The following KCNN3 variants were observed in gnomAD, a reference collection of about 807,000 sequenced individuals.
KCNN3 encodes the protein small conductance calcium-activated potassium channel protein 3.
KCNN3 carries 16 observed loss-of-function variants against 62.9 expected under a neutral mutation model. That is an observed-to-expected ratio of 0.25 (90% confidence interval 0.17 to 0.39). The LOEUF (loss-of-function observed/expected upper bound fraction) is 0.39, where lower values mean the gene tolerates loss of function less well. Ranked by LOEUF, KCNN3 falls within the 10% of genes least tolerant of loss-of-function variation. The pLI is 1.00. For synonymous variants in KCNN3, 370 were observed against 389.2 expected (o/e 0.95, Z 0.58); for missense variants, 599 against 949.4 (o/e 0.63, Z 4.85).
chr1:154,757,105 A>T (rs1647760245), intron 3 of KCNN3, among the ~76,000 whole-genome samples: 1 of 152,214 alleles, frequency 6.6e-6, no homozygotes. Flanking sequence ...TAAAGGACAG[A>T]CCTGTGTAGG....
chr1:154,790,956 T>C (rs1397090682), intron 2 of KCNN3, among the ~76,000 whole-genome samples: 2 of 152,144 alleles, frequency 1.3e-5, no homozygotes, highest in Non-Finnish European at 2.9e-5. Context: ...AGGCCAAGTG[T>C]GGTGGCTCAC....
intron 1 of KCNN3, among the ~76,000 whole-genome samples, chr1:154,865,447 TCATGTCCCAGG>T (rs1271201465): frequency 6.6e-6 from 1 of 151,998 alleles, no homozygotes; most frequent in East Asian, 1.9e-4. Flanking sequence ...CCGTTTGATC[TCATGTCCCAGG>T]CATAATAATG....
chr1:154,771,161 G>A (rs1007686178), intron 3 of KCNN3, among the ~76,000 whole-genome samples: 12 of 152,134 alleles, frequency 7.9e-5, no homozygotes, highest in Admixed American at 2.6e-4. Flanking sequence ...AAGGCAGCTC[G>A]AGGGTGGTGG....
chr1:154,806,112 G>T (rs900809568), intron 2 of KCNN3, among the ~76,000 whole-genome samples: 6 of 152,196 alleles, frequency 3.9e-5, no homozygotes, highest in African/African-American at 1.4e-4. Context: ...AACAGGAAAT[G>T]GGGCCGTTGT....
chr1:154,734,149 A>G (rs909788992), intron 3 of KCNN3, among the ~76,000 whole-genome samples: 8 of 152,208 alleles, frequency 5.3e-5, no homozygotes, highest in African/African-American at 1.9e-4. Flanking sequence ...GCTTATACAA[A>G]GTGCAGCAAG....
chr1:154,839,054 A>G (rs754109324), intron 1 of KCNN3, among the ~76,000 whole-genome samples: 2 of 152,072 alleles, frequency 1.3e-5, no homozygotes, highest in Non-Finnish European at 2.9e-5. Flanking sequence ...GGGTCACTCC[A>G]TGGGAAAAAC....
At chr1:154,722,800 C>T (rs1400165312) in intron 5 of KCNN3, among the ~76,000 whole-genome samples, 1 of 150,304 alleles carries the variant, frequency 6.7e-6, no homozygotes, top group Admixed American at 6.7e-5. Flanking sequence ...GGTGGGATCT[C>T]GGCTCACTGT....
chr1:154,741,659 C>T (rs1407754822), intron 3 of KCNN3, among the ~76,000 whole-genome samples: 1 of 150,174 alleles, frequency 6.7e-6, no homozygotes, highest in Non-Finnish European at 1.5e-5. Context: ...ATGACTGCCT[C>T]TTCTTCCTTA....
Position 154,698,543 on chromosome 1 carries a change from A to G in KCNN3, c.*9433T>C, listed in dbSNP as rs1240278370. On this transcript the variant is annotated 3_prime_UTR_variant, in exon 8 of 8. Transcript: ENST00000271915. Reference sequence around the variant, plus strand: ...GTGTCCTTGAGCTTTGAGCACAGCAATGGAAACCTGGCGACTCTTCCTGGA... The same window carrying G: ...GTGTCCTTGAGCTTTGAGCACAGCAGTGGAAACCTGGCGACTCTTCCTGGA... The G allele has an allele frequency of 1.3e-5, 2 of 152,268 alleles. No homozygotes were observed. The highest frequency in any genetic ancestry group is 2.9e-5 in the Non-Finnish European group (2 of 68,060). The allele number at this position is 152,268 out of a possible 1,614,324, so 9.4% of individuals were successfully genotyped here.
intron 2 of KCNN3, among the ~76,000 whole-genome samples, chr1:154,781,983 G>C (rs780346586): frequency 1.4e-4 from 22 of 152,226 alleles, no homozygotes; most frequent in Non-Finnish European, 1.2e-4. Context: ...CTCTATGGAA[G>C]GGACCTCTGA....
chr1:154,866,779 C>T (rs538939951), intron 1 of KCNN3, among the ~76,000 whole-genome samples: 1 of 152,324 alleles, frequency 6.6e-6, no homozygotes, highest in South Asian at 2.1e-4. Flanking sequence ...CTATGAGGGT[C>T]TGTGATTCAG....
intron 3 of KCNN3, among the ~76,000 whole-genome samples, chr1:154,749,617 G>C (rs1005547001): frequency 1.3e-5 from 2 of 152,234 alleles, no homozygotes; most frequent in Admixed American, 1.3e-4. Context: ...TGGGACGTCA[G>C]GGCGAGTGGG....
At chr1:154,716,427 A>C (rs1229438881) in intron 5 of KCNN3, among the ~76,000 whole-genome samples, 1 of 152,264 alleles carries the variant, frequency 6.6e-6, no homozygotes, top group Non-Finnish European at 1.5e-5. Context: ...ATTAGAGAAT[A>C]TAGACCTGCT....
At chr1:154,797,845 G>A (rs1649796351) in intron 2 of KCNN3, among the ~76,000 whole-genome samples, 1 of 152,200 alleles carries the variant, frequency 6.6e-6, no homozygotes. Context: ...GCAAGTCTCT[G>A]TAACTTGCTG....
chr1:154,867,324 G>A (rs1370621446), intron 1 of KCNN3, among the ~76,000 whole-genome samples: 1 of 152,198 alleles, frequency 6.6e-6, no homozygotes, highest in Non-Finnish European at 1.5e-5. Context: ...GCGCTTCCAA[G>A]GGAAACCCCA....
chr1:154,842,696 G>A (rs1223412912), intron 1 of KCNN3, among the ~76,000 whole-genome samples: 5 of 149,748 alleles, frequency 3.3e-5, no homozygotes, highest in African/African-American at 1.2e-4. Context: ...TAAATGCTCA[G>A]TGCTACTTCT....
At position 154,705,538 on chromosome 1, in the gene KCNN3, T is replaced by A. The variant is rs1279310372; in HGVS notation, c.*2438A>T. 6.6e-6 allele frequency: 1 copy of A among 152,198 alleles called. No individual in the cohort carries two copies. Among genetic ancestry groups the A allele is most frequent in the Non-Finnish European group, 1.5e-5 (1 of 68,012 alleles). 9.4% of individuals were successfully genotyped at this position (152,198 alleles called of 1,614,324 possible). A position where few individuals can be genotyped will look rare whatever the true frequency, so the allele number is the denominator to read the frequency against. On this transcript the variant is annotated 3_prime_UTR_variant, in exon 8 of 8. Transcript: ENST00000271915. ...AAATAACTCCAGTCACTCCCTTGACTAGTGTTGCTAGTTTGGTCTTTAGGG... is the reference window on the plus strand; with the variant it reads ...AAATAACTCCAGTCACTCCCTTGACAAGTGTTGCTAGTTTGGTCTTTAGGG...
chr1:154,714,051 G>GGGGT (rs1700136195), intron 6 of KCNN3, among the ~76,000 whole-genome samples: 2 of 73,966 alleles, frequency 2.7e-5, no homozygotes, highest in African/African-American at 6.3e-5. Flanking sequence ...GTGTGTGCGG[G>GGGGT]GTGTGTGTGT....
chr1:154,744,901 C>T (rs1700905594), intron 3 of KCNN3, among the ~76,000 whole-genome samples: 1 of 148,522 alleles, frequency 6.7e-6, no homozygotes, highest in East Asian at 2.0e-4. Context: ...ACTGCTTGTG[C>T]CAGTGGGTGA....
Sources: gnomAD v4.1 joint callset for allele counts (sites outside exome capture counted in the v4.1 genomes callset) on GRCh38, gnomAD v4.1.1 for gene constraint, MANE v1.5 for transcripts, NCBI Gene and HGNC (gene_info 2026-07-23, HGNC 2026-07-21) for gene names.